Variants in RNMT observed in about 807,000 individuals in gnomAD.
RNMT encodes RNA guanine-7 methyltransferase, also known as mRNA cap guanine-N(7) methyltransferase.
Under a neutral mutation model 56.0 loss-of-function variants are expected in RNMT, and 27 were observed. The ratio of observed to expected loss-of-function variants is 0.48; its 90% CI spans 0.36 to 0.67. The LOEUF is 0.67. RNMT is among the 30% of genes least tolerant of loss of function. The pLI, the probability that RNMT is intolerant of heterozygous loss-of-function variation, is 0.00. For synonymous variants in RNMT, 184 were observed against 176.2 expected (o/e 1.04, Z -0.35); for missense variants, 519 against 552.1 (o/e 0.94, Z 0.60).
At chr18:13,759,651 T>C (rs538221691) in intron 11 of RNMT, among the ~76,000 whole-genome samples, 1 of 152,292 alleles carries the variant, frequency 6.6e-6, no homozygotes, top group Admixed American at 6.5e-5. Flanking sequence ...GTTATACTTT[T>C]ATTTTTCTTA....
chr18:13,738,588 A>T (rs911697433), intron 5 of RNMT, among the ~76,000 whole-genome samples: 1 of 152,182 alleles, frequency 6.6e-6, no homozygotes, highest in Admixed American at 6.5e-5. Context: ...AAATCCATTA[A>T]TCTGTCTTGC....
At position 13,760,501 on chromosome 18, in the gene RNMT, A is replaced by T; in HGVS notation, c.*522A>T. On this transcript the variant is annotated 3_prime_UTR_variant, in exon 12 of 12. Coordinates refer to ENST00000383314, the MANE Select transcript of RNMT (RefSeq NM_003799.3). ...TTAAAACTCAATTTCAGATGCTCAT[A>T]AAAGTTACTTAGCTAAAATTTTAGC... The T allele has an allele frequency of 1.0e-6, 1 of 985,528 alleles. No individual in the cohort carries two copies. Among genetic ancestry groups the T allele is most frequent in the East Asian group, 1.1e-4 (1 of 8,820 alleles). The allele number at this position is 985,528 out of a possible 1,614,324, so 61.0% of individuals were successfully genotyped here. A position where few individuals can be genotyped will look rare whatever the true frequency, so the allele number is the denominator to read the frequency against.
chr18:13,740,219 A>G lies in RNMT; in HGVS notation c.732A>G (p.Lys244=), dbSNP rs2044230770. Residue 244 remains lysine, a synonymous_variant, in exon 6 of 12, where the codon AAA becomes AAG. Coordinates refer to ENST00000383314, the MANE Select transcript of RNMT (RefSeq NM_003799.3). The part of the protein sequence containing the change: ...KQCQQRYEDM[K]NRRDSEYIFS... ...GTCAGCAGCGGTATGAGGACATGAA[A>G]AATCGTCGTGATAGTGAATATATTT... is the stretch of plus-strand genomic sequence containing the variant. The G allele has an allele frequency of 1.2e-5, 20 of 1,613,332 alleles. No individual in the cohort carries two copies. Among genetic ancestry groups the G allele is most frequent in the Non-Finnish European group, 1.7e-5 (20 of 1,179,316 alleles).
At chr18:13,740,782 T>G (rs7239240) in intron 6 of RNMT, among the ~76,000 whole-genome samples, 138 of 152,386 alleles carry the variant, frequency 9.1e-4, no homozygotes, top group African/African-American at 3.1e-3. Context: ...CACTGAATAC[T>G]TGTAATTTTT....
At position 13,743,332 on chromosome 18, in the gene RNMT, ATAAATAAAT is replaced by A. The variant is rs754321774; in HGVS notation, c.1139+681_1139+689del. On this transcript the variant is annotated intron_variant, in intron 8 of 11. Transcript: ENST00000383314. ...AGCGAAACTCCGTCTCAAAAAAAAAATAAATAAATAAATAAATAAATAAATAAATAAATA... is the reference window on the plus strand; with the variant it reads ...AGCGAAACTCCGTCTCAAAAAAAAAAAAATAAATAAATAAATAAATAAATA... 1.5e-4 allele frequency among the ~76,000 whole-genome samples: 20 copies of A among 133,940 alleles called. 2 individuals are homozygous for A. The highest frequency in any genetic ancestry group is 2.3e-4 in the African/African-American group (8 of 34,940). The allele number at this position is 133,940 out of a possible 152,430, so 87.9% of individuals were successfully genotyped here.
At position 13,762,222 on chromosome 18, in the gene RNMT, C is replaced by T. The variant is rs891290733; in HGVS notation, c.*2243C>T. ...GTGGGAATGACGGAACTGGGGATTGCGATGATTGATCTGGGAACATGGCTG... is the reference window on the plus strand; with the variant it reads ...GTGGGAATGACGGAACTGGGGATTGTGATGATTGATCTGGGAACATGGCTG... On this transcript the variant is annotated 3_prime_UTR_variant, in exon 12 of 12. Transcript: ENST00000383314. 28 of 1,441,660 alleles carry T rather than the reference C, an allele frequency of 1.9e-5. No homozygotes were observed. The highest frequency in any genetic ancestry group is 2.8e-5 in the African/African-American group (2 of 70,512). 89.3% of individuals were successfully genotyped at this position (1,441,660 alleles called of 1,614,324 possible).
chr18:13,746,807 G>C (rs1598421850), intron 9 of RNMT, among the ~76,000 whole-genome samples: 1 of 152,210 alleles, frequency 6.6e-6, no homozygotes, highest in African/African-American at 2.4e-5. Flanking sequence ...AGTGCCTTTT[G>C]GTTACGACAG....
Position 13,763,152 on chromosome 18 carries a change from C to A in RNMT, c.*3173C>A. On this transcript the variant is annotated 3_prime_UTR_variant, in exon 12 of 12. Coordinates refer to ENST00000383314, the MANE Select transcript of RNMT (RefSeq NM_003799.3). ...GAAGTACAAGTGTGTGATGTTAGAA[C>A]CTCCCTAGTTGCTGCTATATCAAAC... The A allele has an allele frequency of 4.4e-6, 2 of 455,948 alleles. No homozygotes were observed. Among genetic ancestry groups the A allele is most frequent in the Non-Finnish European group, 8.8e-6 (2 of 226,744 alleles). 28.2% of individuals were successfully genotyped at this position (455,948 alleles called of 1,614,324 possible).
At chr18:13,749,061 G>A (rs138208963) in intron 9 of RNMT, among the ~76,000 whole-genome samples, 3 of 152,212 alleles carry the variant, frequency 2.0e-5, no homozygotes, top group South Asian at 4.2e-4. Flanking sequence ...CCTGGGTGAC[G>A]AAACTGAAAC....
At chr18:13,733,892 T>G (rs189676419) in intron 3 of RNMT, among the ~76,000 whole-genome samples, 1 of 152,324 alleles carries the variant, frequency 6.6e-6, no homozygotes, top group Admixed American at 6.5e-5. Flanking sequence ...ATGAAAATTT[T>G]AAACCTAGAG....
At chr18:13,735,271 G>A (rs1019441094) in intron 4 of RNMT, among the ~76,000 whole-genome samples, 5 of 152,080 alleles carry the variant, frequency 3.3e-5, no homozygotes, top group African/African-American at 1.2e-4. Context: ...AATTATGCTA[G>A]AAAGAATAAA....
intron 4 of RNMT, 22 bp from the exon 5 acceptor site, chr18:13,736,988 G>T (rs749134545): frequency 3.1e-6 from 5 of 1,606,474 alleles, no homozygotes; most frequent in African/African-American, 2.7e-5. Context: ...GTAGTTTATT[G>T]TGACTGATTT....
chr18:13,759,511 T>C (rs1471593857), intron 11 of RNMT, among the ~76,000 whole-genome samples: 1 of 152,228 alleles, frequency 6.6e-6, no homozygotes, highest in Non-Finnish European at 1.5e-5. Flanking sequence ...TGTTAACATG[T>C]CATGTTATGT....
At position 13,754,722 on chromosome 18, in the gene RNMT, ATC is replaced by A. The variant is rs2044514198; in HGVS notation, c.1393+578_1393+579del. Among the ~76,000 whole-genome samples the A allele has an allele frequency of 4.6e-5, 7 of 152,216 alleles. No homozygotes were observed. The South Asian group carries it at 1.4e-3, about 32-fold the overall frequency. On this transcript the variant is annotated intron_variant, in intron 11 of 11. Coordinates refer to ENST00000383314, the MANE Select transcript of RNMT (RefSeq NM_003799.3). ...ATTGCCTATTTGTTACTAAGTAGCC[ATC>A]TCCATTTGAAGTGTTTACCTCAGAT...
At chr18:13,744,359 G>A (rs146457170) in intron 8 of RNMT, among the ~76,000 whole-genome samples, 2 of 151,632 alleles carry the variant, frequency 1.3e-5, no homozygotes, top group Non-Finnish European at 2.9e-5. Context: ...CTTTTTGTGT[G>A]GCAAAACTTA....
At chr18:13,740,089 G>A in intron 5 of RNMT, 78 bp from the exon 6 acceptor site, 1 of 857,602 alleles carries the variant, frequency 1.2e-6, no homozygotes, top group Non-Finnish European at 1.9e-6. Flanking sequence ...TTTTATGCCA[G>A]AGTTTGTCAG....
rs4797808 is a variant in RNMT at position 13,740,016 on chromosome 18, G to C, written c.680-151G>C. The C allele has an allele frequency of 9.7e-6, 6 of 616,378 alleles. No individual in the cohort carries two copies. The African/African-American group carries it at 1.1e-4, about 12-fold the overall frequency. The allele number at this position is 616,378 out of a possible 1,614,324, so 38.2% of individuals were successfully genotyped here. On this transcript the variant is annotated intron_variant, in intron 5 of 11. Transcript: ENST00000383314. Reference sequence around the variant, plus strand: ...GAAAACTGATAGGGTATTTGCGTCGGAACAAAGCCCTTTTCTTTTCTTTTA... The same window carrying C: ...GAAAACTGATAGGGTATTTGCGTCGCAACAAAGCCCTTTTCTTTTCTTTTA...
Position 13,761,391 on chromosome 18 carries a change from C to A in RNMT, c.*1412C>A. 1.0e-6 allele frequency: 1 copy of A among 985,438 alleles called. No homozygotes were observed. Among genetic ancestry groups the A allele is most frequent in the South Asian group, 4.7e-5 (1 of 21,282 alleles). The allele number at this position is 985,438 out of a possible 1,614,324, so 61.0% of individuals were successfully genotyped here. On this transcript the variant is annotated 3_prime_UTR_variant, in exon 12 of 12. Coordinates refer to ENST00000383314, the MANE Select transcript of RNMT (RefSeq NM_003799.3). ...AGTGAGGTGGGGAAAGGAAGTCTTCCTGTCACATATGCAGGTTCGTTTTCA... is the reference window on the plus strand; with the variant it reads ...AGTGAGGTGGGGAAAGGAAGTCTTCATGTCACATATGCAGGTTCGTTTTCA...
chr18:13,749,727 G>A (rs986593937), intron 9 of RNMT, among the ~76,000 whole-genome samples: 6 of 151,910 alleles, frequency 3.9e-5, no homozygotes, highest in African/African-American at 1.5e-4. Context: ...TTGTTTTTTG[G>A]TGAGAGAGTT....
Sources: gnomAD v4.1 joint callset for allele counts (sites outside exome capture counted in the v4.1 genomes callset) on GRCh38, gnomAD v4.1.1 for gene constraint, MANE v1.5 for transcripts, NCBI Gene and HGNC (gene_info 2026-07-23, HGNC 2026-07-21) for gene names.